ADCY2: variants seen among roughly 807,000 people sequenced by gnomAD.
ADCY2 encodes the protein adenylate cyclase 2.
In ADCY2, 31 loss-of-function variants were observed where a neutral mutation model predicts 125.2. The observed-to-expected ratio is 0.25, with a 90% CI of 0.19 to 0.33. The LOEUF (loss-of-function observed/expected upper bound fraction) is 0.33. Among genes scored for constraint, ADCY2 ranks in the 10% least tolerant of loss-of-function variants. The probability of loss-of-function intolerance (pLI) is 1.00; values close to 1 mark genes in which losing one functional copy is unlikely to be tolerated. For synonymous variants in ADCY2, 512 were observed against 548.4 expected (o/e 0.93, Z 0.93); for missense variants, 904 against 1,418.2 (o/e 0.64, Z 5.82).
intron 17 of ADCY2, among the ~76,000 whole-genome samples, chr5:7,770,848 G>C (rs914055416): frequency 3.9e-5 from 6 of 152,104 alleles, no homozygotes; most frequent in Admixed American, 3.3e-4. Context: ...ATTTCGCTTT[G>C]TTTTGTGTTT....
At chr5:7,400,861 C>T (rs563927137) in intron 1 of ADCY2, among the ~76,000 whole-genome samples, 1 of 152,268 alleles carries the variant, frequency 6.6e-6, no homozygotes, top group South Asian at 2.1e-4. Flanking sequence ...CAAGGGAAAA[C>T]TGTAATTTTC....
At chr5:7,582,222 A>C (rs1311836515) in intron 3 of ADCY2, among the ~76,000 whole-genome samples, 1 of 152,206 alleles carries the variant, frequency 6.6e-6, no homozygotes, top group Admixed American at 6.5e-5. Flanking sequence ...AGTCGTGAAC[A>C]TGTATGGGCT....
chr5:7,608,517 A>G, intron 3 of ADCY2, among the ~76,000 whole-genome samples: 1 of 152,276 alleles, frequency 6.6e-6, no homozygotes. Flanking sequence ...AGGAGGTTGC[A>G]GTGAGCTGAG....
At chr5:7,629,886 A>C (rs1738259633) in intron 4 of ADCY2, among the ~76,000 whole-genome samples, 1 of 152,246 alleles carries the variant, frequency 6.6e-6, no homozygotes, top group Admixed American at 6.5e-5. Flanking sequence ...CTGCCTAGGC[A>C]GTTGAAATAA....
intron 3 of ADCY2, among the ~76,000 whole-genome samples, chr5:7,571,750 C>A (rs1579585504): frequency 1.3e-5 from 2 of 152,174 alleles, no homozygotes; most frequent in South Asian, 2.1e-4. Flanking sequence ...AAGTGTTAAG[C>A]TTAGTACCTA....
chr5:7,654,080 A>G, intron 4 of ADCY2: 1 of 456,084 alleles, frequency 2.2e-6, no homozygotes, highest in Non-Finnish European at 4.4e-6. Flanking sequence ...AGCATTTACC[A>G]CCCTGAGGCT....
chr5:7,573,593 C>CTTTT lies in ADCY2; in HGVS notation c.571-52552_571-52549dup, dbSNP rs763347773. ...GCCTCTGGGATACAGGGTTGATTTT[C>CTTTT]TTTTTTTTTTTTTTTTTTTTTTTTT... On this transcript the variant is annotated intron_variant, in intron 3 of 24. Coordinates refer to ENST00000338316, the MANE Select transcript of ADCY2 (RefSeq NM_020546.3). 6.0e-4 allele frequency among the ~76,000 whole-genome samples: 52 copies of CTTTT among 86,356 alleles called. 2 individuals are homozygous for CTTTT. The highest frequency in any genetic ancestry group is 1.6e-3 in the African/African-American group (36 of 22,520). The allele number at this position is 86,356 out of a possible 152,430, so 56.7% of individuals were successfully genotyped here.
chr5:7,526,688 G>A (rs1391630337), intron 3 of ADCY2, among the ~76,000 whole-genome samples: 1 of 152,158 alleles, frequency 6.6e-6, no homozygotes, highest in Non-Finnish European at 1.5e-5. Flanking sequence ...AGTGAAAGAG[G>A]AAGAGATATT....
chr5:7,639,414 T>A (rs575210534), intron 4 of ADCY2, among the ~76,000 whole-genome samples: 4 of 152,344 alleles, frequency 2.6e-5, no homozygotes, highest in African/African-American at 9.6e-5. Context: ...CACCTGTTGC[T>A]GCTTTCTCAC....
intron 3 of ADCY2, among the ~76,000 whole-genome samples, chr5:7,610,860 G>T (rs1343821347): frequency 6.6e-6 from 1 of 152,150 alleles, no homozygotes; most frequent in Non-Finnish European, 1.5e-5. Context: ...GAATTTGGTT[G>T]TCAAATTTGA....
chr5:7,413,923 T>TTTTCTTTTTGCTTG (rs1739834240), intron 1 of ADCY2, among the ~76,000 whole-genome samples: 1 of 152,168 alleles, frequency 6.6e-6, no homozygotes, highest in East Asian at 1.9e-4. Flanking sequence ...TAAATGCCCA[T>TTTTCTTTTTGCTTG]TTTCTTTTTG....
chr5:7,716,062 C>T (rs1022032264), intron 11 of ADCY2, among the ~76,000 whole-genome samples: 4 of 152,158 alleles, frequency 2.6e-5, no homozygotes, highest in African/African-American at 9.7e-5. Context: ...TTGGTTTTCT[C>T]CTGACATCAT....
chr5:7,456,383 A>G (rs1046272434), intron 2 of ADCY2, among the ~76,000 whole-genome samples: 4 of 152,204 alleles, frequency 2.6e-5, no homozygotes, highest in African/African-American at 7.2e-5. Flanking sequence ...CTGTGCCTCA[A>G]AAAAAGTCAG....
intron 3 of ADCY2, among the ~76,000 whole-genome samples, chr5:7,565,552 G>T (rs1456522037): frequency 6.6e-6 from 1 of 152,308 alleles, no homozygotes; most frequent in African/African-American, 2.4e-5. Flanking sequence ...ACAGACTGTG[G>T]CAATCCCAAA....
At chr5:7,643,605 G>A (rs1282962266) in intron 4 of ADCY2, among the ~76,000 whole-genome samples, 2 of 150,392 alleles carry the variant, frequency 1.3e-5, no homozygotes, top group Non-Finnish European at 1.5e-5. Flanking sequence ...CAATATTTTG[G>A]TGATTTTTTT....
intron 2 of ADCY2, among the ~76,000 whole-genome samples, chr5:7,433,877 C>A (rs1740699746): frequency 1.3e-5 from 2 of 152,106 alleles, no homozygotes; most frequent in Non-Finnish European, 2.9e-5. Flanking sequence ...AATTGGCTAT[C>A]TTTTGGAGAA....
intron 14 of ADCY2, among the ~76,000 whole-genome samples, chr5:7,734,974 A>C (rs1742205345): frequency 6.6e-6 from 1 of 152,200 alleles, no homozygotes; most frequent in Non-Finnish European, 1.5e-5. Context: ...TCATAAGGGC[A>C]CTAATGCCAT....
intron 4 of ADCY2, among the ~76,000 whole-genome samples, chr5:7,649,613 C>T (rs1276970974): frequency 1.3e-5 from 2 of 152,208 alleles, no homozygotes; most frequent in African/African-American, 2.4e-5. Context: ...TGTACCAGGG[C>T]TTAGGTCTCC....
At chr5:7,749,951 GTA>G in intron 15 of ADCY2, among the ~76,000 whole-genome samples, 1 of 152,200 alleles carries the variant, frequency 6.6e-6, no homozygotes, top group South Asian at 2.1e-4. Flanking sequence ...TTTTTGGTTA[GTA>G]TTTGCCTGGT....
Sources: allele counts gnomAD v4.1 joint callset (sites outside exome capture counted in the v4.1 genomes callset), GRCh38; gene constraint gnomAD v4.1.1; transcripts MANE v1.5; gene names NCBI Gene and HGNC (gene_info 2026-07-23, HGNC 2026-07-21).